Variants in ANKRD30A observed in about 807,000 individuals in gnomAD.
ANKRD30A encodes the protein ankyrin repeat domain-containing protein 30A.
A neutral mutation model predicts 166.3 loss-of-function variants in ANKRD30A; 170 were observed. The ratio of observed to expected loss-of-function variants is 1.02; its 90% confidence interval spans 0.90 to 1.16. The LOEUF is 1.16. ANKRD30A is among the 50% of genes most tolerant of loss of function. The probability of loss-of-function intolerance (pLI) is 0.00; values close to 1 mark genes in which losing one functional copy is unlikely to be tolerated. For synonymous variants in ANKRD30A, 564 were observed against 508.9 expected, an observed-to-expected ratio of 1.11 and a Z score of -1.46; for missense variants, 1,630 against 1,518.0, an observed-to-expected ratio of 1.07 and a Z score of -1.23.
At chr10:37,245,767 A>C in the ANKRD30A span, among the ~76,000 whole-genome samples, 1 of 152,148 alleles carries the variant, frequency 6.6e-6, no homozygotes, top group Non-Finnish European at 1.5e-5. Flanking sequence ...ACTGGGAAAG[A>C]GTCTGCTTCC....
chr10:37,250,718 G>A, the ANKRD30A span, among the ~76,000 whole-genome samples: 1 of 152,172 alleles, frequency 6.6e-6, no homozygotes, highest in African/African-American at 2.4e-5. Context: ...GTGAGATATA[G>A]CAAGAAGACA....
chr10:37,245,791 T>A, the ANKRD30A span, among the ~76,000 whole-genome samples: 7 of 152,092 alleles, frequency 4.6e-5, no homozygotes, highest in Non-Finnish European at 7.4e-5. Flanking sequence ...GTCATGAAGT[T>A]TGCTGGCAAA....
chr10:37,218,084 T>C (rs1842696764), intron 33 of ANKRD30A, among the ~76,000 whole-genome samples: 1 of 150,942 alleles, frequency 6.6e-6, no homozygotes, highest in East Asian at 1.9e-4. Context: ...AAAGAGCTTT[T>C]GAAAACAATG....
At chr10:37,140,740 CATA>C (rs1055838896) in intron 6 of ANKRD30A, among the ~76,000 whole-genome samples, 1 of 152,042 alleles carries the variant, frequency 6.6e-6, no homozygotes, top group Non-Finnish European at 1.5e-5. Context: ...AAAAATTTTT[CATA>C]ATAACAAAAA....
chr10:37,193,305 A>G (rs1271227435), intron 27 of ANKRD30A, 47 bp downstream of exon 27: 3 of 1,563,688 alleles, frequency 1.9e-6, no homozygotes, highest in East Asian at 2.3e-5. Flanking sequence ...GAATATTAAA[A>G]TATTTGAAAT....
chr10:37,198,309 T>G (rs1362467441), intron 29 of ANKRD30A, among the ~76,000 whole-genome samples: 1 of 152,104 alleles, frequency 6.6e-6, no homozygotes, highest in Admixed American at 6.6e-5. Context: ...TTGATCAGCA[T>G]TATAATTTTT....
intron 32 of ANKRD30A, 96 bp from the exon 33 acceptor site, chr10:37,217,599 T>C (rs1842667725): frequency 5.0e-6 from 5 of 1,005,742 alleles, no homozygotes; most frequent in Non-Finnish European, 5.4e-6. Flanking sequence ...ATAGGAATTT[T>C]ATTGGACTAA....
At chr10:37,203,702 G>C (rs1841802235) in intron 31 of ANKRD30A, among the ~76,000 whole-genome samples, 1 of 152,178 alleles carries the variant, frequency 6.6e-6, no homozygotes, top group Non-Finnish European at 1.5e-5. Context: ...AATTTTCCCT[G>C]TTTGCAGATG....
chr10:37,217,708 CAAG>C lies in ANKRD30A; in HGVS notation c.3105_3107del (p.Glu1036del), dbSNP rs777695013. On this transcript the variant is annotated inframe_deletion, in exon 33 of 36. Coordinates refer to ENST00000361713, the MANE Select transcript of ANKRD30A (RefSeq NM_052997.3). Reference sequence around the variant, plus strand: ...GTTTAATGGCAGATTGACTTTAAACCAAGAAGAAGAGAAGAGAAGAAATGCCGA... The same window carrying C: ...GTTTAATGGCAGATTGACTTTAAACCAAGAAGAGAAGAGAAGAAATGCCGA... 3.9e-6 allele frequency: 6 copies of C among 1,545,378 alleles called. No individual in the cohort carries two copies. The highest frequency in any genetic ancestry group is 2.1e-5 in the Admixed American group (1 of 47,760).
chr10:37,233,883 C>T (rs571168993), downstream of ANKRD30A, among the ~76,000 whole-genome samples: 2 of 152,104 alleles, frequency 1.3e-5, no homozygotes, highest in Admixed American at 1.3e-4. Context: ...ACATTTTTGG[C>T]TATAATTCTA....
chr10:37,183,186 T>A (rs574814580), intron 24 of ANKRD30A, among the ~76,000 whole-genome samples: 1 of 149,230 alleles, frequency 6.7e-6, no homozygotes, highest in South Asian at 2.2e-4. Flanking sequence ...AATACACGAA[T>A]TGGAAAAGTC....
intron 34 of ANKRD30A, among the ~76,000 whole-genome samples, chr10:37,221,046 T>C (rs1217829949): frequency 9.7e-6 from 1 of 103,356 alleles, no homozygotes; most frequent in African/African-American, 4.0e-5. Flanking sequence ...CTTCCCACAT[T>C]TTTTTTTTTT....
chr10:37,193,946 G>A (rs748052358), intron 27 of ANKRD30A, among the ~76,000 whole-genome samples: 2 of 152,146 alleles, frequency 1.3e-5, no homozygotes, highest in Non-Finnish European at 2.9e-5. Flanking sequence ...TGTAATGATA[G>A]CAGTTTGGGA....
At chr10:37,127,046 CA>C (rs71007622) in intron 1 of ANKRD30A, among the ~76,000 whole-genome samples, 6 of 16,500 alleles carry the variant, frequency 3.6e-4, no homozygotes, top group African/African-American at 1.0e-3. Context: ...AACTCTGTCT[CA>C]AAAAAAAAAA....
chr10:37,208,790 A>G (rs866990197), intron 31 of ANKRD30A, among the ~76,000 whole-genome samples: 1 of 152,186 alleles, frequency 6.6e-6, no homozygotes, highest in East Asian at 1.9e-4. Flanking sequence ...CAAGCAAGTG[A>G]AAGTAAACTT....
intron 17 of ANKRD30A, among the ~76,000 whole-genome samples, 187 bp downstream of exon 17, chr10:37,163,035 A>C (rs193125276): frequency 1.3e-5 from 2 of 151,870 alleles, no homozygotes; most frequent in African/African-American, 4.8e-5. Context: ...TATATTTTTT[A>C]AAAAAATGTA....
chr10:37,248,205 AAAATCACCCAGAATGCC>A, the ANKRD30A span: 1 of 632,782 alleles, frequency 1.6e-6, no homozygotes, highest in South Asian at 1.4e-5. Flanking sequence ...CCAGCTCTAC[AAAATCACCCAGAATGCC>A]AAAGACTTCA....
chr10:37,200,654 TTC>T, intron 30 of ANKRD30A, among the ~76,000 whole-genome samples: 1 of 152,258 alleles, frequency 6.6e-6, no homozygotes, highest in South Asian at 2.1e-4. Flanking sequence ...TTGCATTCTA[TTC>T]AAGCACTTTT....
downstream of ANKRD30A, among the ~76,000 whole-genome samples, chr10:37,234,188 A>G (rs1326263751): frequency 6.6e-6 from 1 of 152,180 alleles, no homozygotes; most frequent in African/African-American, 2.4e-5. Flanking sequence ...TAACACTATT[A>G]TAGCTATCAT....
Sources: gnomAD v4.1 joint callset for allele counts (sites outside exome capture counted in the v4.1 genomes callset) on GRCh38, gnomAD v4.1.1 for gene constraint, MANE v1.5 for transcripts, NCBI Gene and HGNC (gene_info 2026-07-23, HGNC 2026-07-21) for gene names.